Variants in SSB observed in about 807,000 individuals in gnomAD.
SSB encodes the protein small RNA binding exonuclease protection factor La.
SSB carries 17 observed loss-of-function variants against 52.9 expected under a neutral mutation model. That is an observed-to-expected ratio of 0.32 (90% CI 0.22 to 0.48). The LOEUF (loss-of-function observed/expected upper bound fraction) is 0.48. SSB is among the 20% of genes least tolerant of loss of function. SSB has a pLI of 0.99. For missense variants in SSB, 314 were observed against 463.6 expected (o/e 0.68, Z 2.96); for synonymous variants, 111 against 152.1 (o/e 0.73, Z 1.99).
intron 2 of SSB, among the ~76,000 whole-genome samples, chr2:169,801,921 A>G (rs567225841): frequency 3.8e-4 from 58 of 152,294 alleles, no homozygotes; most frequent in South Asian, 1.2e-3. Flanking sequence ...TAATACCTCA[A>G]GTGATCCGTA....
In SSB at chr2:169,810,324, G is replaced by C. The variant is rs377399178; in HGVS notation, c.711G>C (p.Ser237=). 1 of 1,605,412 alleles carries C rather than the reference G, an allele frequency of 6.2e-7. No individual in the cohort carries two copies. Among genetic ancestry groups the C allele is most frequent in the African/African-American group, 1.3e-5 (1 of 74,448 alleles). The part of the protein sequence containing the change: ...EEKIGCLLKF[S]GDLDDQTCRE... ...AGATTGGATGCTTGCTGAAATTTTC[G>C]GGTGATTTAGATGATCAGACCTGTA... Residue 237 remains serine, a synonymous_variant, in exon 9 of 12, where the codon TCG becomes TCC. Transcript: ENST00000260956.
chr2:169,799,070 C>G (rs1430568510), intron 1 of SSB, 94 bp downstream of exon 1: 1 of 152,096 alleles, frequency 6.6e-6, no homozygotes, highest in East Asian at 1.9e-4. Flanking sequence ...CTTCTCGCGG[C>G]GTCCGTCCGC....
At position 169,806,884 on chromosome 2, in the gene SSB, G is replaced by A. The variant is rs546270676; in HGVS notation, c.445G>A (p.Ala149Thr). The A allele has an allele frequency of 1.2e-6, 2 of 1,611,686 alleles. No individual in the cohort carries two copies. Among genetic ancestry groups the A allele is most frequent in the Non-Finnish European group, 1.7e-6 (2 of 1,178,920 alleles). Reference sequence around the variant, plus strand: ...TCAGATGAGAAGAACATTGCATAAAGCATTTAAGGTATGATAATACAGACT... The same window carrying A: ...TCAGATGAGAAGAACATTGCATAAAACATTTAAGGTATGATAATACAGACT... ...NIQMRRTLHK[A>T]FKGSIFVVFD... The change falls in exon 5 of 12, where the codon GCA becomes ACA. Residue 149 changes from alanine (A) to threonine (T), a missense_variant. Ala to Thr is a moderately conservative substitution (Grantham distance 58). Coordinates refer to ENST00000260956, the MANE Select transcript of SSB (RefSeq NM_003142.5).
At chr2:169,806,015 C>A (rs1167392178) in intron 4 of SSB, 176 bp downstream of exon 4, 2 of 714,594 alleles carry the variant, frequency 2.8e-6, no homozygotes, top group Admixed American at 4.3e-5. Flanking sequence ...CTGTTGCTCA[C>A]GTTGGAGTGC....
intron 6 of SSB, 84 bp downstream of exon 6, chr2:169,807,155 T>C (rs557175075): frequency 9.5e-7 from 1 of 1,055,468 alleles, no homozygotes; most frequent in Non-Finnish European, 1.4e-6. Flanking sequence ...TAGTATCCCC[T>C]GAAAGGCCAA....
Position 169,810,894 on chromosome 2 carries a change from T to G in SSB, c.847T>G (p.Leu283Val). ...ILFKEKAKEA[L>V]GKAKDANNGN... ...ATTTAAAGAAAAAGCCAAGGAAGCA[T>G]TGGGTAAAGCCAAAGATGCAAATAA... Residue 283 changes from leucine (L) to valine (V), a missense_variant, in exon 10 of 12, where the codon TTG becomes GTG. Leu to Val is a conservative substitution (Grantham distance 32). Coordinates refer to ENST00000260956, the MANE Select transcript of SSB (RefSeq NM_003142.5). The G allele has an allele frequency of 6.2e-7, 1 of 1,612,310 alleles. No individual in the cohort carries two copies. The highest frequency in any genetic ancestry group is 8.5e-7 in the Non-Finnish European group (1 of 1,179,436).
chr2:169,810,586 T>A, intron 9 of SSB, 163 bp downstream of exon 9: 1 of 731,150 alleles, frequency 1.4e-6, no homozygotes, highest in South Asian at 2.0e-5. Context: ...TTCTGAATTA[T>A]ACTAAATTAG....
chr2:169,801,509 G>GTTTTTTTTT (rs79940369), intron 2 of SSB, among the ~76,000 whole-genome samples: 6 of 73,666 alleles, frequency 8.1e-5, no homozygotes, highest in African/African-American at 1.6e-4. Context: ...CTTTAATATA[G>GTTTTTTTTT]TTTTTTTTTT....
At position 169,808,468 on chromosome 2, in the gene SSB, T is replaced by C. The variant is rs200498378; in HGVS notation, c.555-14T>C. The C allele has an allele frequency of 6.2e-6, 10 of 1,609,910 alleles. No homozygotes were observed. In the African/African-American group the frequency reaches 8.0e-5, roughly 13 times the overall value. ...GTTCTCGTGAACTTAGCCTCTGTACTGTGTGTTCTTTAGGGACGATTACTT... is the reference window on the plus strand; with the variant it reads ...GTTCTCGTGAACTTAGCCTCTGTACCGTGTGTTCTTTAGGGACGATTACTT... On this transcript the variant is annotated splice_polypyrimidine_tract_variant and intron_variant, in intron 6 of 11. Transcript: ENST00000260956.
chr2:169,800,638 GGTAA>G (rs1410324158), intron 1 of SSB, among the ~76,000 whole-genome samples: 3 of 151,648 alleles, frequency 2.0e-5, no homozygotes, highest in Admixed American at 6.6e-5. Context: ...GGAAATGGTT[GGTAA>G]GTGATTGGAG....
chr2:169,807,729 C>T (rs999466489), intron 6 of SSB, among the ~76,000 whole-genome samples: 8 of 115,144 alleles, frequency 6.9e-5, no homozygotes, highest in African/African-American at 1.8e-4. Context: ...TTTTCATAGC[C>T]TATATGTCTT....
chr2:169,801,167 T>C (rs1689704157), intron 2 of SSB, 141 bp downstream of exon 2: 1 of 559,472 alleles, frequency 1.8e-6, no homozygotes, highest in Non-Finnish European at 2.9e-6. Flanking sequence ...CATACAGTTT[T>C]ATATTGGTGG....
chr2:169,802,439 C>T (rs1689731985), intron 2 of SSB, among the ~76,000 whole-genome samples: 1 of 149,896 alleles, frequency 6.7e-6, no homozygotes, highest in Non-Finnish European at 1.5e-5. Context: ...TTAAGCTGCA[C>T]GTCTCTGCAT....
At chr2:169,802,216 G>T (rs1376217497) in intron 2 of SSB, among the ~76,000 whole-genome samples, 1 of 152,032 alleles carries the variant, frequency 6.6e-6, no homozygotes, top group Non-Finnish European at 1.5e-5. Flanking sequence ...GAGAGTCTTC[G>T]TGAGCATACT....
intron 2 of SSB, among the ~76,000 whole-genome samples, chr2:169,804,240 C>CT (rs11447613): frequency 0.79 from 75,775 of 95,486 alleles, 30,785 homozygotes; most frequent in South Asian, 0.88. Flanking sequence ...TTTACTTTAA[C>CT]TTTTTTTTTT....
At chr2:169,805,375 T>TA in intron 2 of SSB, 99 bp from the exon 3 acceptor site, 1 of 827,616 alleles carries the variant, frequency 1.2e-6, no homozygotes, top group Non-Finnish European at 1.9e-6. Flanking sequence ...TTTTGTAACT[T>TA]ATGTATTTTT....
At chr2:169,807,581 G>A (rs983296318) in intron 6 of SSB, among the ~76,000 whole-genome samples, 5 of 152,086 alleles carry the variant, frequency 3.3e-5, no homozygotes, top group African/African-American at 1.2e-4. Flanking sequence ...GAGCCACTGC[G>A]CCCAGCCACT....
At position 169,810,938 on chromosome 2, in the gene SSB, G is replaced by A. The variant is rs761677581; in HGVS notation, c.891G>A (p.Arg297=). 1 of 1,613,650 alleles carries A rather than the reference G, an allele frequency of 6.2e-7. No individual in the cohort carries two copies. The highest frequency in any genetic ancestry group is 8.5e-7 in the Non-Finnish European group (1 of 1,179,736). The change falls in exon 10 of 12, where the codon AGG becomes AGA. Residue 297 remains arginine (R), a synonymous_variant. Coordinates refer to ENST00000260956, the MANE Select transcript of SSB (RefSeq NM_003142.5). ...KDANNGNLQL[R]NKEVTWEVLE... is the part of the protein sequence containing the mutation. ...CAAATAATGGTAACCTACAATTAAG[G>A]AACAAAGAAGTGACTTGGGAAGTAC...
Position 169,811,902 on chromosome 2 carries a change from T to C in SSB, c.*146T>C, listed in dbSNP as rs774291773. 6.3e-7 allele frequency: 1 copy of C among 1,593,320 alleles called. No homozygotes were observed. Among genetic ancestry groups the C allele is most frequent in the Non-Finnish European group, 8.6e-7 (1 of 1,164,344 alleles). On this transcript the variant is annotated 3_prime_UTR_variant, in exon 12 of 12. Coordinates refer to ENST00000260956, the MANE Select transcript of SSB (RefSeq NM_003142.5). ...TTTTTTGTTGTTTAACTTGTCTTTTTGTTATGCAAATGAGATTTCTTTGAA... is the reference window on the plus strand; with the variant it reads ...TTTTTTGTTGTTTAACTTGTCTTTTCGTTATGCAAATGAGATTTCTTTGAA...
Sources: gnomAD v4.1 joint callset for allele counts (sites outside exome capture counted in the v4.1 genomes callset) on GRCh38, gnomAD v4.1.1 for gene constraint, MANE v1.5 for transcripts, NCBI Gene and HGNC (gene_info 2026-07-23, HGNC 2026-07-21) for gene names.